Variants in RNF125 observed in about 807,000 individuals in gnomAD.
RNF125 encodes the protein ring finger protein 125.
In RNF125, 21 loss-of-function variants were observed where a neutral mutation model predicts 26.0. That is an observed-to-expected ratio of 0.81 (90% CI 0.57 to 1.16). The LOEUF is 1.16. RNF125 is among the 50% of genes most tolerant of loss of function. The pLI is 0.00. For synonymous variants in RNF125, 95 were observed against 109.2 expected, an observed-to-expected ratio of 0.87 and a Z score of 0.81; for missense variants, 270 against 299.4, an observed-to-expected ratio of 0.90 and a Z score of 0.72.
At chr18:32,065,514 G>T (rs1329691026) in intron 4 of RNF125, among the ~76,000 whole-genome samples, 1 of 152,002 alleles carries the variant, frequency 6.6e-6, no homozygotes, top group Non-Finnish European at 1.5e-5. Context: ...GGGATTATAG[G>T]TGTGAGCCAC....
chr18:32,078,786 T>A, the RNF125 span, among the ~76,000 whole-genome samples: 1 of 152,240 alleles, frequency 6.6e-6, no homozygotes, highest in African/African-American at 2.4e-5. Context: ...TTTTCACTGT[T>A]TCTAAGGTTT....
At chr18:32,085,373 CAGAGAGAGAGAG>C in the RNF125 span, among the ~76,000 whole-genome samples, 134 of 128,804 alleles carry the variant, frequency 1.0e-3, no homozygotes, top group African/African-American at 1.6e-3. Flanking sequence ...CTGCCAGAAG[CAGAGAGAGAGAG>C]AGAGAGAGAG....
the RNF125 span, among the ~76,000 whole-genome samples, chr18:32,084,238 G>A: frequency 6.6e-6 from 1 of 151,900 alleles, no homozygotes; most frequent in Non-Finnish European, 1.5e-5. Context: ...GCCTGTAATC[G>A]CAGCTACTTG....
rs770783400 is a variant in RNF125, at chr18:32,065,766, G to A, written c.505-136G>A. The A allele has an allele frequency of 7.8e-5, 48 of 615,670 alleles. No homozygotes were observed. In the Middle Eastern group the frequency reaches 7.9e-4, roughly 10 times the overall value. 38.1% of individuals were successfully genotyped at this position (615,670 alleles called of 1,614,324 possible). The stretch of plus-strand genomic sequence containing the variant: ...CAGGATGGTCTCCATCTCTTGACCT[G>A]GTGATCCGGCCGCCTCTGCCTCCCA... On this transcript the variant is annotated intron_variant, in intron 4 of 5. Coordinates refer to ENST00000217740, the MANE Select transcript of RNF125 (RefSeq NM_017831.4).
At chr18:32,054,662 C>G (rs1224291641) in intron 4 of RNF125, among the ~76,000 whole-genome samples, 4 of 152,082 alleles carry the variant, frequency 2.6e-5, no homozygotes, top group African/African-American at 9.7e-5. Context: ...CCCAAGGGCT[C>G]TGTTGTAGGA....
chr18:32,021,369 G>C lies in RNF125; in HGVS notation c.164+2342G>C, dbSNP rs992781778. 2.8e-3 allele frequency among the ~76,000 whole-genome samples: 427 copies of C among 152,318 alleles called. 3 individuals carry two copies. Among genetic ancestry groups the C allele is most frequent in the African/African-American group, 9.9e-3 (411 of 41,578 alleles). On this transcript the variant is annotated intron_variant, in intron 1 of 5. Transcript: ENST00000217740. ...TGCTGGGATTACAGGCGTGAGCCATGGAGCCCGGCCGTAGCTGTATTTTCA... is the reference window on the plus strand; with the variant it reads ...TGCTGGGATTACAGGCGTGAGCCATCGAGCCCGGCCGTAGCTGTATTTTCA...
intron 5 of RNF125, among the ~76,000 whole-genome samples, chr18:32,067,158 C>T (rs539623551): frequency 6.6e-6 from 1 of 152,188 alleles, no homozygotes; most frequent in Non-Finnish European, 1.5e-5. Flanking sequence ...GAGGCTGAGG[C>T]AGGAGAATGG....
intron 4 of RNF125, among the ~76,000 whole-genome samples, chr18:32,062,702 A>T (rs1453872923): frequency 6.6e-6 from 1 of 152,222 alleles, no homozygotes; most frequent in Non-Finnish European, 1.5e-5. Flanking sequence ...TAGAATGTGA[A>T]AAGAACATTG....
At chr18:32,027,253 A>G (rs73413954) in intron 1 of RNF125, among the ~76,000 whole-genome samples, 2,914 of 151,460 alleles carry the variant, frequency 0.019, 76 homozygotes, top group African/African-American at 0.058. Flanking sequence ...TAATTTAACA[A>G]ATTTCATAAG....
In RNF125 at chr18:32,040,401, A is replaced by G. The variant is rs377397163; in HGVS notation, c.319-1778A>G. ...CTTCTCCTGTCTCAGCCTCCCAAGT[A>G]GCTGGGACTATAGGTGCACACCACC... is the stretch of plus-strand genomic sequence containing the variant. On this transcript the variant is annotated intron_variant, in intron 2 of 5. Transcript: ENST00000217740. Among the ~76,000 whole-genome samples the G allele has an allele frequency of 3.1e-4, 47 of 151,134 alleles. No homozygotes were observed. The East Asian group carries it at 5.1e-3, about 16-fold the overall frequency.
At chr18:32,068,100 G>A (rs538841970) in intron 5 of RNF125, among the ~76,000 whole-genome samples, 198 bp from the exon 6 acceptor site, 20 of 152,194 alleles carry the variant, frequency 1.3e-4, no homozygotes, top group Non-Finnish European at 2.4e-4. Context: ...CTAGTTAATC[G>A]ATAGACAACA....
downstream of RNF125, chr18:32,076,069 T>A (rs2039568543): frequency 4.3e-6 from 3 of 696,110 alleles, no homozygotes; most frequent in Middle Eastern, 4.2e-4. Context: ...TCTACACTTG[T>A]TTAGCCTGCC....
chr18:32,060,108 C>T (rs2054780627), intron 4 of RNF125, among the ~76,000 whole-genome samples: 1 of 152,088 alleles, frequency 6.6e-6, no homozygotes, highest in South Asian at 2.1e-4. Flanking sequence ...AAAGAAAGAA[C>T]AATAAATGAA....
chr18:32,019,106 G>A, intron 1 of RNF125, 79 bp downstream of exon 1: 1 of 1,528,124 alleles, frequency 6.5e-7, no homozygotes. Context: ...GTGTGGGGAA[G>A]GAGGGGGACG....
rs763950421 is a variant in RNF125, at chr18:32,072,518, C to T, written c.*4134C>T. ...CAATTCTGACTCCTGTGCCTGGATTCCTTTTATGATAATTTTGCCACCTAC... is the reference window on the plus strand; with the variant it reads ...CAATTCTGACTCCTGTGCCTGGATTTCTTTTATGATAATTTTGCCACCTAC... On this transcript the variant is annotated 3_prime_UTR_variant, in exon 6 of 6. Transcript: ENST00000217740. The T allele has an allele frequency of 1.3e-5, 2 of 152,128 alleles. No individual in the cohort carries two copies. Among genetic ancestry groups the T allele is most frequent in the Admixed American group, 6.6e-5 (1 of 15,264 alleles). 9.4% of individuals were successfully genotyped at this position (152,128 alleles called of 1,614,324 possible). A position where few individuals can be genotyped will look rare whatever the true frequency, so the allele number is the denominator to read the frequency against.
chr18:32,020,052 G>C (rs995295224), intron 1 of RNF125, among the ~76,000 whole-genome samples: 14 of 151,752 alleles, frequency 9.2e-5, no homozygotes, highest in Admixed American at 6.6e-4. Flanking sequence ...GAGAGAGAGA[G>C]ACGTAGTCTG....
chr18:32,078,751 T>A, the RNF125 span, among the ~76,000 whole-genome samples: 1 of 152,246 alleles, frequency 6.6e-6, no homozygotes, highest in Non-Finnish European at 1.5e-5. Flanking sequence ...TAGTTAGTTT[T>A]AATTTAATTC....
rs1162385647 is a variant in RNF125 at position 32,035,092 on chromosome 18, G to A, written c.165-2024G>A. The stretch of plus-strand genomic sequence containing the variant: ...GTCTATACTTGACTTGGCTTGCCAG[G>A]TGCTCATGCCTTCAGCAGGAGTTGG... On this transcript the variant is annotated intron_variant, in intron 1 of 5. Transcript: ENST00000217740. Among the ~76,000 whole-genome samples the A allele has an allele frequency of 2.0e-5, 3 of 152,062 alleles. No homozygotes were observed. The East Asian group carries it at 5.8e-4, about 29-fold the overall frequency.
chr18:32,090,615 A>G, the RNF125 span, among the ~76,000 whole-genome samples: 1 of 152,188 alleles, frequency 6.6e-6, no homozygotes, highest in Non-Finnish European at 1.5e-5. Context: ...TCCATTTCCT[A>G]TCCTCATTAT....
Sources: allele counts gnomAD v4.1 joint callset (sites outside exome capture counted in the v4.1 genomes callset), GRCh38; gene constraint gnomAD v4.1.1; transcripts MANE v1.5; gene names NCBI Gene and HGNC (gene_info 2026-07-23, HGNC 2026-07-21).